SLC8A1: variants seen among roughly 807,000 people sequenced by gnomAD.
SLC8A1 encodes sodium/calcium exchanger 1.
In SLC8A1, 18 loss-of-function variants were observed where a neutral mutation model predicts 68.3. That is an observed-to-expected ratio of 0.26 (90% confidence interval 0.18 to 0.39). The LOEUF is 0.39. Ranked by LOEUF, SLC8A1 falls within the 10% of genes least tolerant of loss-of-function variation. The probability of loss-of-function intolerance (pLI) is 1.00; values close to 1 mark genes in which losing one functional copy is unlikely to be tolerated. For synonymous variants in SLC8A1, 475 were observed against 415.5 expected (o/e 1.14, Z -1.74); for missense variants, 985 against 1,156.7 (o/e 0.85, Z 2.15).
chr2:40,238,298 A>AATCTCGTG (rs1288359761), intron 2 of SLC8A1, among the ~76,000 whole-genome samples: 3 of 152,296 alleles, frequency 2.0e-5, no homozygotes, highest in Admixed American at 2.0e-4. Context: ...TGCGGGATAT[A>AATCTCGTG]ATCTCGTGGT....
At chr2:40,291,409 A>G (rs1439628678) in intron 2 of SLC8A1, among the ~76,000 whole-genome samples, 3 of 152,130 alleles carry the variant, frequency 2.0e-5, no homozygotes, top group Non-Finnish European at 4.4e-5. Flanking sequence ...CAACAATAGA[A>G]AGATAAGTTC....
chr2:40,317,315 C>T (rs1575350687), intron 2 of SLC8A1, among the ~76,000 whole-genome samples: 2 of 152,042 alleles, frequency 1.3e-5, no homozygotes, highest in African/African-American at 2.4e-5. Flanking sequence ...AAGCTACATA[C>T]ATCATGTAAT....
At chr2:40,106,362 G>A (rs1255135129) in exon 8 of SLC8A1, 1 of 152,090 alleles carries the variant, frequency 6.6e-6, no homozygotes, top group African/African-American at 2.4e-5. Flanking sequence ...AGAGCTCCTA[G>A]AAGAGTCACT....
At chr2:40,335,250 G>T (rs1665586480) in intron 2 of SLC8A1, among the ~76,000 whole-genome samples, 1 of 152,148 alleles carries the variant, frequency 6.6e-6, no homozygotes, top group South Asian at 2.1e-4. Flanking sequence ...TAAAGACAAA[G>T]CAAATAGATG....
intron 2 of SLC8A1, among the ~76,000 whole-genome samples, chr2:40,393,962 T>G (rs1336164801): frequency 1.3e-5 from 2 of 152,106 alleles, no homozygotes; most frequent in Non-Finnish European, 2.9e-5. Context: ...TTGAAACCAG[T>G]AGCTCTAAAC....
intron 2 of SLC8A1, among the ~76,000 whole-genome samples, chr2:40,356,751 G>T (rs978826092): frequency 6.6e-6 from 1 of 152,052 alleles, no homozygotes; most frequent in African/African-American, 2.4e-5. Flanking sequence ...TACTTAAATC[G>T]GCCTGCTTTT....
At position 40,182,051 on chromosome 2, in the gene SLC8A1, T is replaced by C. The variant is rs1462928346; in HGVS notation, c.1809-4196A>G. 3.9e-5 allele frequency among the ~76,000 whole-genome samples: 6 copies of C among 152,216 alleles called. No homozygotes were observed. In the East Asian group the frequency reaches 9.6e-4, roughly 24 times the overall value. On this transcript the variant is annotated intron_variant, in intron 2 of 7. Coordinates refer to ENST00000406785, the Ensembl canonical transcript of SLC8A1. Reference sequence around the variant, plus strand: ...TGGCCCCATTGCCACACCAATCCCATGTCCACAGGACTTTTGCACTGTCAC... The same window carrying C: ...TGGCCCCATTGCCACACCAATCCCACGTCCACAGGACTTTTGCACTGTCAC...
chr2:40,341,554 A>T (rs2149409167), intron 2 of SLC8A1, among the ~76,000 whole-genome samples: 1 of 152,304 alleles, frequency 6.6e-6, no homozygotes, highest in Non-Finnish European at 1.5e-5. Context: ...TGCATTAAGG[A>T]TCTTTTTGTT....
At chr2:40,409,140 T>C (rs1376244441) in intron 2 of SLC8A1, among the ~76,000 whole-genome samples, 2 of 152,272 alleles carry the variant, frequency 1.3e-5, no homozygotes, top group African/African-American at 4.8e-5. Flanking sequence ...GAATACAAGG[T>C]CCTTTTCTCA....
intron 2 of SLC8A1, among the ~76,000 whole-genome samples, chr2:40,357,398 G>A (rs1673010551): frequency 6.6e-6 from 1 of 151,016 alleles, no homozygotes; most frequent in African/African-American, 2.4e-5. Context: ...TTAGGAGGCA[G>A]AGGTGGGAGG....
intron 2 of SLC8A1, among the ~76,000 whole-genome samples, chr2:40,292,309 G>A (rs2149236376): frequency 6.6e-6 from 1 of 152,228 alleles, no homozygotes; most frequent in South Asian, 2.1e-4. Context: ...TCAGACTATT[G>A]ATCCATCCTG....
upstream of SLC8A1, among the ~76,000 whole-genome samples, chr2:40,454,907 G>T (rs1702913055): frequency 1.3e-5 from 2 of 152,182 alleles, no homozygotes; most frequent in South Asian, 4.1e-4. Context: ...GCAGTCTGTG[G>T]CTTTGGAAAG....
intron 2 of SLC8A1, among the ~76,000 whole-genome samples, chr2:40,309,313 C>G (rs2073249776): frequency 6.6e-6 from 1 of 152,112 alleles, no homozygotes; most frequent in African/African-American, 2.4e-5. Flanking sequence ...GCTATCTCTA[C>G]AGTAATCATC....
chr2:40,170,284 C>T, intron 4 of SLC8A1: 3 of 1,613,520 alleles, frequency 1.9e-6, no homozygotes, highest in Non-Finnish European at 2.5e-6. Context: ...TGAGTACCTG[C>T]AATGGTGATT....
intron 1 of SLC8A1, among the ~76,000 whole-genome samples, chr2:40,482,789 C>CT (rs34808025): frequency 0.015 from 1,952 of 131,832 alleles, 36 homozygotes; most frequent in Admixed American, 0.035. Context: ...ACAGTTAGCA[C>CT]TTTTTTTTTT....
chr2:40,471,922 G>A (rs1704013419), intron 1 of SLC8A1, among the ~76,000 whole-genome samples: 1 of 152,134 alleles, frequency 6.6e-6, no homozygotes, highest in Non-Finnish European at 1.5e-5. Flanking sequence ...CAGCTACAAT[G>A]CATCATCTAA....
At position 40,243,363 on chromosome 2, in the gene SLC8A1, C is replaced by A. The variant is rs886666404; in HGVS notation, c.1809-65508G>T. ...AATAAACTGGGCATGGTAGTGTCTGCGGTCCCACCTACTTGAGAGCTGAGA... is the reference window on the plus strand; with the variant it reads ...AATAAACTGGGCATGGTAGTGTCTGAGGTCCCACCTACTTGAGAGCTGAGA... On this transcript the variant is annotated intron_variant, in intron 2 of 7. Transcript: ENST00000406785. Among the ~76,000 whole-genome samples the A allele has an allele frequency of 2.0e-5, 3 of 152,080 alleles. 1 individual carries two copies. In the South Asian group the frequency reaches 6.2e-4, roughly 32 times the overall value.
rs533992109 is a variant in SLC8A1, at chr2:40,283,007, C to T, written c.1809-105152G>A. 7.2e-5 allele frequency among the ~76,000 whole-genome samples: 11 copies of T among 152,240 alleles called. No homozygotes were observed. The South Asian group carries it at 2.1e-3, about 29-fold the overall frequency. On this transcript the variant is annotated intron_variant, in intron 2 of 7. Transcript: ENST00000406785. ...AAAAGACATGATTTTTATTAGTTCA[C>T]CACAACTTATTCTCAAAAAAGCATT...
intron 2 of SLC8A1, among the ~76,000 whole-genome samples, chr2:40,322,501 TAA>T (rs10708563): frequency 0.052 from 5,086 of 97,270 alleles, 258 homozygotes; most frequent in African/African-American, 0.14. Context: ...TACAAAAGGT[TAA>T]AAAAAAAAAA....
Sources: gnomAD v4.1 joint callset for allele counts (sites outside exome capture counted in the v4.1 genomes callset) on GRCh38, gnomAD v4.1.1 for gene constraint, MANE v1.5 for transcripts, NCBI Gene and HGNC (gene_info 2026-07-23, HGNC 2026-07-21) for gene names.